NELL2: variants seen among roughly 807,000 people sequenced by gnomAD.
The protein encoded by NELL2 is protein kinase C-binding protein NELL2.
A neutral mutation model predicts 109.6 loss-of-function variants in NELL2; 41 were observed. That is an observed-to-expected ratio of 0.37 (90% confidence interval 0.29 to 0.49). NELL2 has a LOEUF of 0.49. NELL2 is among the 20% of genes least tolerant of loss of function. The pLI, the probability that NELL2 is intolerant of heterozygous loss-of-function variation, is 0.98. For missense variants in NELL2, 900 were observed against 1,008.3 expected, an observed-to-expected ratio of 0.89 and a Z score of 1.45; for synonymous variants, 355 against 344.7, an observed-to-expected ratio of 1.03 and a Z score of -0.33.
chr12:44,665,579 T>C lies in NELL2; in HGVS notation c.1349A>G (p.Tyr450Cys), dbSNP rs778976619. 1.1e-5 allele frequency: 18 copies of C among 1,613,300 alleles called. No homozygotes were observed. In the Admixed American group the frequency reaches 2.5e-4, roughly 22 times the overall value. Reference sequence around the variant, plus strand: ...GACACACATTGTATTTTCACGACAGTAATGGCGCCCTTCAGCACACTCATC... The same window carrying C: ...GACACACATTGTATTTTCACGACAGCAATGGCGCCCTTCAGCACACTCATC... ...DIDECAEGRH[Y>C]CRENTMCVNT... is the part of the protein sequence containing the mutation. Residue 450 changes from tyrosine (Y) to cysteine (C), a missense_variant, in exon 13 of 20, where the codon TAC becomes TGC. Around this residue, in one of 4 missense-constraint regions of NELL2, gnomAD observed 292 missense variants for 265.3 expected, o/e 1.10. Coordinates refer to ENST00000429094, the MANE Select transcript of NELL2 (RefSeq NM_001145108.2).
intron 2 of NELL2, among the ~76,000 whole-genome samples, chr12:44,829,932 C>A (rs1016405602): frequency 2.0e-5 from 3 of 151,986 alleles, no homozygotes; most frequent in African/African-American, 7.2e-5. Flanking sequence ...CTTTTATTTT[C>A]TTTGAGATCT....
chr12:44,557,553 G>C (rs1365856906), intron 15 of NELL2, among the ~76,000 whole-genome samples: 1 of 152,128 alleles, frequency 6.6e-6, no homozygotes, highest in Non-Finnish European at 1.5e-5. Context: ...GTGACTAACT[G>C]ACATGTTGTC....
At chr12:44,622,925 TAAAAC>T (rs1339429314) in intron 13 of NELL2, among the ~76,000 whole-genome samples, 1 of 152,176 alleles carries the variant, frequency 6.6e-6, no homozygotes, top group Non-Finnish European at 1.5e-5. Flanking sequence ...TTGTTCTTGA[TAAAAC>T]AGGAAGAAGC....
intron 9 of NELL2, among the ~76,000 whole-genome samples, chr12:44,725,404 G>T (rs1309837069): frequency 6.6e-6 from 1 of 152,116 alleles, no homozygotes; most frequent in Non-Finnish European, 1.5e-5. Context: ...GCTGTTGGTG[G>T]GAGTGTAAAT....
intron 9 of NELL2, among the ~76,000 whole-genome samples, chr12:44,761,525 T>C (rs1012556472): frequency 6.6e-6 from 1 of 152,190 alleles, no homozygotes; most frequent in African/African-American, 2.4e-5. Context: ...TCTCACTATA[T>C]GGTATCTACC....
intron 1 of NELL2, among the ~76,000 whole-genome samples, chr12:44,900,348 C>T (rs1420832715): frequency 6.6e-6 from 1 of 151,358 alleles, no homozygotes; most frequent in Non-Finnish European, 1.5e-5. Flanking sequence ...CTAAAATTGA[C>T]CACATAATTG....
intron 3 of NELL2, among the ~76,000 whole-genome samples, chr12:44,793,146 C>T (rs898314241): frequency 2.8e-4 from 43 of 151,522 alleles, no homozygotes; most frequent in Admixed American, 8.5e-4. Flanking sequence ...TGTGTGTGTC[C>T]GTACATATAT....
intron 13 of NELL2, among the ~76,000 whole-genome samples, chr12:44,656,347 A>G (rs1003570640): frequency 6.6e-6 from 1 of 152,218 alleles, no homozygotes; most frequent in Admixed American, 6.5e-5. Context: ...TCACAGGTAC[A>G]GAAGAAGTAC....
intron 13 of NELL2, among the ~76,000 whole-genome samples, chr12:44,662,688 A>G (rs1293623983): frequency 6.6e-6 from 1 of 152,220 alleles, no homozygotes. Flanking sequence ...AAGCAGAAAA[A>G]GGCTTCTTTA....
chr12:44,897,202 C>T (rs551795491), intron 1 of NELL2, among the ~76,000 whole-genome samples: 10 of 152,112 alleles, frequency 6.6e-5, no homozygotes, highest in Middle Eastern at 3.4e-3. Flanking sequence ...CAGAACACAA[C>T]GCAGAAACTG....
chr12:44,538,323 T>C (rs4768556), intron 15 of NELL2, among the ~76,000 whole-genome samples: 93,003 of 152,058 alleles, frequency 0.61, 28,688 homozygotes, highest in East Asian at 0.73. Flanking sequence ...TCCCTCTTCA[T>C]AGTTTGCTGT....
At chr12:44,644,608 G>GTATATATATATATA (rs1180129986) in intron 13 of NELL2, among the ~76,000 whole-genome samples, 41 of 90,814 alleles carry the variant, frequency 4.5e-4, no homozygotes, top group South Asian at 3.4e-3. Flanking sequence ...ATATATGTAT[G>GTATATATATATATA]TATATATATA....
At chr12:44,770,212 C>A (rs528572712) in intron 9 of NELL2, among the ~76,000 whole-genome samples, 4 of 152,274 alleles carry the variant, frequency 2.6e-5, no homozygotes, top group Non-Finnish European at 5.9e-5. Flanking sequence ...CATTTCACTA[C>A]TTTGTATTTT....
intron 11 of NELL2, among the ~76,000 whole-genome samples, chr12:44,708,622 G>A (rs1041744388): frequency 2.9e-4 from 44 of 152,218 alleles, no homozygotes; most frequent in African/African-American, 8.9e-4. Context: ...AGGAGAACAC[G>A]TTTATTTCAC....
chr12:44,735,333 C>G (rs979930793), intron 9 of NELL2, among the ~76,000 whole-genome samples: 21 of 152,126 alleles, frequency 1.4e-4, no homozygotes, highest in Non-Finnish European at 4.4e-5. Flanking sequence ...AACTTGAGGT[C>G]TAGGATAAAG....
At chr12:44,530,878 G>C (rs1172375024) in intron 16 of NELL2, among the ~76,000 whole-genome samples, 5 of 152,156 alleles carry the variant, frequency 3.3e-5, no homozygotes, top group Admixed American at 2.0e-4. Flanking sequence ...GAGCCACCCA[G>C]CTAAGCTGTG....
intron 2 of NELL2, among the ~76,000 whole-genome samples, chr12:44,829,883 G>A (rs1334870900): frequency 6.6e-6 from 1 of 152,118 alleles, no homozygotes; most frequent in Non-Finnish European, 1.5e-5. Flanking sequence ...ATGTTTATAA[G>A]TTAAAGTTTC....
At chr12:44,921,605 G>A (rs1452815216) in intron 1 of NELL2, among the ~76,000 whole-genome samples, 1 of 152,088 alleles carries the variant, frequency 6.6e-6, no homozygotes, top group Non-Finnish European at 1.5e-5. Flanking sequence ...AACAGTACAA[G>A]CAATAAGTAT....
At chr12:44,547,823 C>T (rs901001101) in intron 15 of NELL2, among the ~76,000 whole-genome samples, 2 of 152,174 alleles carry the variant, frequency 1.3e-5, no homozygotes, top group Admixed American at 6.5e-5. Context: ...CTTTTGCCAA[C>T]ATGACTTTCT....
Sources: gnomAD v4.1 joint callset for allele counts (sites outside exome capture counted in the v4.1 genomes callset) on GRCh38, gnomAD v4.1.1 for gene constraint, gnomAD v4.1.1 regional missense constraint, MANE v1.5 for transcripts, NCBI Gene and HGNC (gene_info 2026-07-23, HGNC 2026-07-21) for gene names.